TMEM209: variants seen among roughly 807,000 people sequenced by gnomAD.
TMEM209 encodes transmembrane protein 209.
Under a neutral mutation model 76.2 loss-of-function variants are expected in TMEM209, and 65 were observed. The ratio of observed to expected loss-of-function variants is 0.85; its 90% confidence interval spans 0.70 to 1.05. TMEM209 has a LOEUF of 1.05. TMEM209 is among the 50% of genes least tolerant of loss of function. The pLI is 0.00. For synonymous variants in TMEM209, 239 were observed against 237.6 expected (o/e 1.01, Z -0.06); for missense variants, 623 against 685.5 (o/e 0.91, Z 1.02).
At chr7:130,198,051 TA>T (rs1221326663) in intron 5 of TMEM209, among the ~76,000 whole-genome samples, 2 of 152,216 alleles carry the variant, frequency 1.3e-5, no homozygotes, top group African/African-American at 2.4e-5. Flanking sequence ...GTTCTTCCAC[TA>T]AAATCAATCC....
intron 5 of TMEM209, among the ~76,000 whole-genome samples, chr7:130,199,047 C>T (rs1216926708): frequency 6.6e-6 from 1 of 152,070 alleles, no homozygotes; most frequent in East Asian, 1.9e-4. Context: ...TTTTATGATG[C>T]TGTATTATTC....
At chr7:130,183,346 A>T (rs1211928760) in intron 8 of TMEM209, among the ~76,000 whole-genome samples, 1 of 152,196 alleles carries the variant, frequency 6.6e-6, no homozygotes, top group African/African-American at 2.4e-5. Context: ...CCCCACCCTT[A>T]TAAATTCTAA....
At chr7:130,184,909 G>A (rs971759561) in intron 7 of TMEM209, among the ~76,000 whole-genome samples, 3 of 152,212 alleles carry the variant, frequency 2.0e-5, no homozygotes, top group African/African-American at 7.2e-5. Context: ...TATGTGTTAA[G>A]TACAATTATA....
At chr7:130,189,552 T>A (rs1797723317) in intron 6 of TMEM209, among the ~76,000 whole-genome samples, 1 of 152,144 alleles carries the variant, frequency 6.6e-6, no homozygotes, top group African/African-American at 2.4e-5. Flanking sequence ...TGTGAAATAT[T>A]CAGGAATGAA....
intron 6 of TMEM209, among the ~76,000 whole-genome samples, chr7:130,186,575 T>C (rs1475780107): frequency 6.6e-6 from 1 of 152,242 alleles, no homozygotes; most frequent in Non-Finnish European, 1.5e-5. Flanking sequence ...GTTATCCTAT[T>C]TGATTAATCA....
chr7:130,174,062 AT>A, intron 11 of TMEM209, 123 bp from the exon 12 acceptor site: 1 of 622,738 alleles, frequency 1.6e-6, no homozygotes. Flanking sequence ...TGAAGAGTGA[AT>A]TAGAAAAATG....
At chr7:130,202,415 C>T in intron 4 of TMEM209, 117 bp downstream of exon 4, 1 of 1,365,186 alleles carries the variant, frequency 7.3e-7, no homozygotes, top group Non-Finnish European at 1.0e-6. Context: ...TTATTGTATC[C>T]TGCTTAAGAT....
rs1482887613 is a variant in TMEM209, at chr7:130,201,915, A to T, written c.508T>A (p.Ser170Thr). ...CTATAAGAACCACTGCCACCTGAGG[A>T]CAGACCTTGCAGCTGAGGGCTGTAA... ...TGYSPQLQGL[S>T]SGGSGSYSPG... Residue 170 changes from serine to threonine, a missense_variant, in exon 5 of 15, where the codon TCC (serine) becomes ACC (threonine). By Grantham distance (58) the Ser-to-Thr change is moderately conservative. Coordinates refer to ENST00000397622, the MANE Select transcript of TMEM209 (RefSeq NM_032842.4). 3 of 1,613,948 alleles carry T rather than the reference A, an allele frequency of 1.9e-6. No individual in the cohort carries two copies. The highest frequency in any genetic ancestry group is 2.5e-6 in the Non-Finnish European group (3 of 1,179,872).
At chr7:130,169,892 C>G (rs909875362) in intron 14 of TMEM209, among the ~76,000 whole-genome samples, 1 of 152,122 alleles carries the variant, frequency 6.6e-6, no homozygotes, top group Non-Finnish European at 1.5e-5. Flanking sequence ...AATTTCTAAT[C>G]ATCAAAATGA....
intron 13 of TMEM209, among the ~76,000 whole-genome samples, chr7:130,171,569 A>C (rs1797067605): frequency 6.6e-6 from 1 of 152,258 alleles, no homozygotes; most frequent in South Asian, 2.1e-4. Context: ...CAAAGTATTT[A>C]CATACAAAGC....
chr7:130,169,801 T>C (rs1022093886), intron 14 of TMEM209, among the ~76,000 whole-genome samples: 1 of 152,126 alleles, frequency 6.6e-6, no homozygotes, highest in Admixed American at 6.6e-5. Flanking sequence ...ACCCAGGTTT[T>C]CCGACTCCCA....
Position 130,202,651 on chromosome 7 carries a change from G to C in TMEM209, c.212C>G (p.Ala71Gly). 2 of 1,613,078 alleles carry C rather than the reference G, an allele frequency of 1.2e-6. No individual in the cohort carries two copies. Among genetic ancestry groups the C allele is most frequent in the Non-Finnish European group, 1.7e-6 (2 of 1,179,576 alleles). ...TAAGGCATTAAGGCTGAAGAGAGAT[G>C]CAAGGGCAAGCTCTGGAAGAGAACA... ...WPLWYIELAL[A>G]SLFSLNALFD... The change falls in exon 4 of 15, where the codon GCA becomes GGA. Residue 71 changes from alanine (A) to glycine (G), a missense_variant. Coordinates refer to ENST00000397622, the MANE Select transcript of TMEM209 (RefSeq NM_032842.4).
rs1033457172 is a variant in TMEM209, at chr7:130,174,466, T to C, written c.1345-527A>G. Among the ~76,000 whole-genome samples the C allele has an allele frequency of 2.6e-5, 4 of 152,266 alleles. No homozygotes were observed. In the East Asian group the frequency reaches 5.8e-4, roughly 22 times the overall value. On this transcript the variant is annotated intron_variant, in intron 11 of 14. Transcript: ENST00000397622. ...CATATTTGATCTTCATTTTTAGTTT[T>C]CCATAGCAACCCTAGAAAAGCAGGG...
rs1272954829 is a variant in TMEM209 at position 130,166,126 on chromosome 7, C to T, written c.*325G>A. On this transcript the variant is annotated 3_prime_UTR_variant, in exon 15 of 15. Coordinates refer to ENST00000397622, the MANE Select transcript of TMEM209 (RefSeq NM_032842.4). ...GTAGATGATTCTCATTTGGGGGTTA[C>T]AATGAAAAAAAGACTCAAAATCTAT... 2 of 182,370 alleles carry T rather than the reference C, an allele frequency of 1.1e-5. No individual in the cohort carries two copies. Among genetic ancestry groups the T allele is most frequent in the African/African-American group, 4.7e-5 (2 of 42,344 alleles). The allele number at this position is 182,370 out of a possible 1,614,324, so 11.3% of individuals were successfully genotyped here.
chr7:130,198,110 C>T (rs1343752264), intron 5 of TMEM209, among the ~76,000 whole-genome samples: 2 of 152,186 alleles, frequency 1.3e-5, no homozygotes, highest in African/African-American at 4.8e-5. Flanking sequence ...CACTAATCTT[C>T]CTGTCTTTAT....
At position 130,191,381 on chromosome 7, in the gene TMEM209, C is replaced by A. The variant is rs556725449; in HGVS notation, c.775+1241G>T. Among the ~76,000 whole-genome samples, 4 of 151,748 alleles carry A rather than the reference C, an allele frequency of 2.6e-5. No individual in the cohort carries two copies. The South Asian group carries it at 8.3e-4, about 32-fold the overall frequency. ...TCAACGGGAGCTTTTGGCACACTTTCTTAATAACCAATAGATAAAGCAGAT... is the reference window on the plus strand; with the variant it reads ...TCAACGGGAGCTTTTGGCACACTTTATTAATAACCAATAGATAAAGCAGAT... On this transcript the variant is annotated intron_variant, in intron 6 of 14. Coordinates refer to ENST00000397622, the MANE Select transcript of TMEM209 (RefSeq NM_032842.4).
At chr7:130,189,695 T>C (rs902805418) in intron 6 of TMEM209, among the ~76,000 whole-genome samples, 3 of 152,192 alleles carry the variant, frequency 2.0e-5, no homozygotes, top group Non-Finnish European at 4.4e-5. Flanking sequence ...CAGAATAAAC[T>C]GTATAGCTGG....
chr7:130,195,600 T>C (rs745880591), intron 5 of TMEM209, among the ~76,000 whole-genome samples: 2 of 151,118 alleles, frequency 1.3e-5, no homozygotes, highest in Non-Finnish European at 3.0e-5. Flanking sequence ...AAATTTTACC[T>C]GGTCATCAAT....
At chr7:130,202,195 C>T in intron 4 of TMEM209, 104 bp from the exon 5 acceptor site, 2 of 1,376,596 alleles carry the variant, frequency 1.5e-6, no homozygotes. Context: ...AAAAAGTTAA[C>T]AGAGTTACTT....
Sources: allele counts gnomAD v4.1 joint callset (sites outside exome capture counted in the v4.1 genomes callset), GRCh38; gene constraint gnomAD v4.1.1; transcripts MANE v1.5; gene names NCBI Gene and HGNC (gene_info 2026-07-23, HGNC 2026-07-21).